RCL1: variants seen among roughly 807,000 people sequenced by gnomAD.
The protein encoded by RCL1 is RNA terminal phosphate cyclase like 1, also known as RNA 3'-terminal phosphate cyclase-like protein.
In RCL1, 24 loss-of-function variants were observed where a neutral mutation model predicts 42.4. That is an observed-to-expected ratio of 0.57 (90% confidence interval 0.41 to 0.80). The LOEUF (loss-of-function observed/expected upper bound fraction) is 0.80. Among genes scored for constraint, RCL1 ranks in the 30% least tolerant of loss-of-function variants. The pLI, the probability that RCL1 is intolerant of heterozygous loss-of-function variation, is 0.00. For synonymous variants in RCL1, 228 were observed against 177.3 expected (o/e 1.29, Z -2.27); for missense variants, 578 against 467.9 (o/e 1.24, Z -2.17).
At chr9:4,811,126 T>C (rs1354897830) in intron 1 of RCL1, among the ~76,000 whole-genome samples, 2 of 151,658 alleles carry the variant, frequency 1.3e-5, no homozygotes, top group Non-Finnish European at 2.9e-5. Context: ...AAAATAAAAA[T>C]AAAAAATTAG....
chr9:4,813,959 G>A (rs1239401980), intron 1 of RCL1, among the ~76,000 whole-genome samples: 2 of 152,096 alleles, frequency 1.3e-5, no homozygotes, highest in South Asian at 2.1e-4. Context: ...AACACTGCAT[G>A]TTCTCACTCA....
chr9:4,828,546 G>GTT (rs35253567), intron 3 of RCL1, among the ~76,000 whole-genome samples: 10,235 of 145,344 alleles, frequency 0.07, 456 homozygotes, highest in African/African-American at 0.13. Context: ...TTAATTAAGT[G>GTT]TTTTTTTTTT....
At chr9:4,828,160 C>T (rs890271545) in intron 3 of RCL1, among the ~76,000 whole-genome samples, 9 of 134,798 alleles carry the variant, frequency 6.7e-5, no homozygotes, top group African/African-American at 1.7e-4. Flanking sequence ...AGCGAGACTC[C>T]GTCTCAAAAA....
chr9:4,842,162 G>A (rs1023027999), intron 6 of RCL1, among the ~76,000 whole-genome samples: 1 of 152,150 alleles, frequency 6.6e-6, no homozygotes, highest in Non-Finnish European at 1.5e-5. Context: ...GTGTGAATGG[G>A]CATCATTTCA....
intron 1 of RCL1, among the ~76,000 whole-genome samples, chr9:4,795,594 C>T (rs916440169): frequency 1.3e-5 from 2 of 152,104 alleles, no homozygotes; most frequent in Non-Finnish European, 2.9e-5. Context: ...CTATGTTGCC[C>T]GTCATCTGTC....
intron 3 of RCL1, among the ~76,000 whole-genome samples, chr9:4,830,203 A>G (rs775217217): frequency 6.6e-6 from 1 of 152,248 alleles, no homozygotes; most frequent in Non-Finnish European, 1.5e-5. Flanking sequence ...TTATTGGAGT[A>G]TAAGGACAGG....
chr9:4,803,831 A>G (rs958186476), intron 1 of RCL1: 1 of 166,864 alleles, frequency 6.0e-6, no homozygotes, highest in Non-Finnish European at 1.3e-5. Context: ...TGACCTGGAA[A>G]ATGCAGGGTT....
At chr9:4,799,174 A>G (rs989949673) in intron 1 of RCL1, among the ~76,000 whole-genome samples, 5 of 148,372 alleles carry the variant, frequency 3.4e-5, no homozygotes, top group African/African-American at 1.2e-4. Flanking sequence ...GGATCTCACT[A>G]TGTTGATCAG....
intron 5 of RCL1, among the ~76,000 whole-genome samples, chr9:4,836,094 G>A (rs76019518): frequency 6.6e-6 from 1 of 152,144 alleles, no homozygotes; most frequent in Non-Finnish European, 1.5e-5. Context: ...GCCTTCACAG[G>A]GGAGCATCAT....
At chr9:4,814,689 G>C (rs1375723402) in intron 1 of RCL1, among the ~76,000 whole-genome samples, 1 of 151,826 alleles carries the variant, frequency 6.6e-6, no homozygotes, top group East Asian at 1.9e-4. Context: ...TTTTCTCTTT[G>C]TCCTTTGTGT....
chr9:4,839,245 C>G (rs546454956), intron 5 of RCL1, among the ~76,000 whole-genome samples: 27 of 152,298 alleles, frequency 1.8e-4, no homozygotes, highest in Non-Finnish European at 3.2e-4. Context: ...TGAATTCGTA[C>G]TGTTTGTTAA....
intron 1 of RCL1, among the ~76,000 whole-genome samples, chr9:4,795,796 G>A (rs1409326487): frequency 6.6e-6 from 1 of 152,214 alleles, no homozygotes; most frequent in Admixed American, 6.5e-5. Flanking sequence ...TATTTAGAAA[G>A]TGTTTATTGA....
At chr9:4,832,976 T>C (rs1410077387) in intron 3 of RCL1, among the ~76,000 whole-genome samples, 178 bp from the exon 4 acceptor site, 1 of 152,204 alleles carries the variant, frequency 6.6e-6, no homozygotes, top group Non-Finnish European at 1.5e-5. Flanking sequence ...CCCAGTGGCC[T>C]GTGAAATCAC....
chr9:4,804,307 G>A (rs1317095216), intron 1 of RCL1: 1 of 152,596 alleles, frequency 6.6e-6, no homozygotes, highest in Non-Finnish European at 1.5e-5. Context: ...GCTGAAAGCG[G>A]GGCCTGTGCC....
intron 7 of RCL1, among the ~76,000 whole-genome samples, chr9:4,846,014 C>T (rs1179404264): frequency 1.3e-5 from 2 of 152,176 alleles, no homozygotes; most frequent in Non-Finnish European, 2.9e-5. Context: ...TCTTTTAATT[C>T]TTCCTTTTGC....
In RCL1 at chr9:4,860,829, A is replaced by G. The variant is rs1436076249; in HGVS notation, c.*554A>G. The G allele has an allele frequency of 6.6e-6, 1 of 152,316 alleles. No homozygotes were observed. The highest frequency in any genetic ancestry group is 1.5e-5 in the Non-Finnish European group (1 of 68,096). 9.4% of individuals were successfully genotyped at this position (152,316 alleles called of 1,614,324 possible). On this transcript the variant is annotated 3_prime_UTR_variant, in exon 9 of 9. Coordinates refer to ENST00000381750, the MANE Select transcript of RCL1 (RefSeq NM_005772.5). ...TTGATCTTCTGAATGGATTGCTGTC[A>G]TGGACACGGACACGGATCTTCATCT...
chr9:4,833,382 C>T (rs764633532), intron 4 of RCL1, among the ~76,000 whole-genome samples, 154 bp downstream of exon 4: 1 of 152,194 alleles, frequency 6.6e-6, no homozygotes, highest in Non-Finnish European at 1.5e-5. Flanking sequence ...ACACTACAGA[C>T]TTTGAACTGA....
intron 1 of RCL1, among the ~76,000 whole-genome samples, chr9:4,799,883 C>T (rs1350747934): frequency 6.6e-6 from 1 of 152,130 alleles, no homozygotes; most frequent in Non-Finnish European, 1.5e-5. Context: ...CCCTGTCACC[C>T]ATGGTCACCG....
chr9:4,812,604 A>G (rs562543330), intron 1 of RCL1, among the ~76,000 whole-genome samples: 2 of 152,036 alleles, frequency 1.3e-5, no homozygotes, highest in Admixed American at 6.6e-5. Context: ...TTTTTCTCAG[A>G]ATTGCTTTGG....
Sources: gnomAD v4.1 joint callset for allele counts (sites outside exome capture counted in the v4.1 genomes callset) on GRCh38, gnomAD v4.1.1 for gene constraint, MANE v1.5 for transcripts, NCBI Gene and HGNC (gene_info 2026-07-23, HGNC 2026-07-21) for gene names.